SDK1: variants seen among roughly 807,000 people sequenced by gnomAD.
The protein encoded by SDK1 is protein sidekick-1.
In SDK1, 157 loss-of-function variants were observed where a neutral mutation model predicts 245.5. The observed-to-expected ratio is 0.64, with a 90% CI of 0.56 to 0.73. SDK1 has a LOEUF of 0.73. Among genes scored for constraint, SDK1 ranks in the 30% least tolerant of loss-of-function variants. The pLI, the probability that SDK1 is intolerant of heterozygous loss-of-function variation, is 0.00. For synonymous variants in SDK1, 1,647 were observed against 1,278.5 expected (o/e 1.29, Z -6.15); for missense variants, 3,583 against 3,002.3 (o/e 1.19, Z -4.52).
In SDK1 at chr7:3,872,881, C is replaced by G. The variant is rs77488133; in HGVS notation, c.847+51298C>G. On this transcript the variant is annotated intron_variant, in intron 5 of 44. Transcript: ENST00000404826. ...ACAGTGTATTTCTAATTCCCCTCTC[C>G]CATTCCTTCTACTATTATTGTCATA... 8.3e-3 allele frequency among the ~76,000 whole-genome samples: 1,259 copies of G among 152,200 alleles called. 22 individuals carry two copies. Among genetic ancestry groups the G allele is most frequent in the African/African-American group, 0.029 (1,187 of 41,552 alleles).
At chr7:3,888,758 G>C (rs12531046) in intron 5 of SDK1, among the ~76,000 whole-genome samples, 43,863 of 152,142 alleles carry the variant, frequency 0.29, 7,505 homozygotes, top group African/African-American at 0.48. Flanking sequence ...AAAAAATTCA[G>C]ACATATTGTG....
At chr7:4,172,723 G>A (rs1488972636) in intron 32 of SDK1, among the ~76,000 whole-genome samples, 3 of 152,170 alleles carry the variant, frequency 2.0e-5, no homozygotes, top group African/African-American at 7.2e-5. Flanking sequence ...GAGGGCTCCA[G>A]GGAGGATCCT....
intron 44 of SDK1, among the ~76,000 whole-genome samples, chr7:4,254,125 C>T (rs535158037): frequency 2.5e-4 from 38 of 152,104 alleles, no homozygotes; most frequent in Admixed American, 7.2e-4. Context: ...CATATTTTAC[C>T]GGTAGATTAA....
chr7:3,811,299 A>C (rs947279895), intron 4 of SDK1, among the ~76,000 whole-genome samples: 10 of 152,182 alleles, frequency 6.6e-5, no homozygotes, highest in African/African-American at 2.2e-4. Context: ...CCCAGGTCAC[A>C]GTTGCCTGAT....
At chr7:3,413,968 T>A (rs1779288503) in intron 1 of SDK1, among the ~76,000 whole-genome samples, 1 of 152,104 alleles carries the variant, frequency 6.6e-6, no homozygotes, top group South Asian at 2.1e-4. Context: ...TGAGACCCTA[T>A]CTCTAAAAAA....
intron 42 of SDK1, among the ~76,000 whole-genome samples, chr7:4,240,030 G>A (rs1044719202): frequency 6.6e-6 from 1 of 152,154 alleles, no homozygotes. Flanking sequence ...TCAAAGAAAG[G>A]ATTTATTTTT....
chr7:3,301,604 G>A lies in SDK1; in HGVS notation c.18G>A (p.Arg6=). The change falls in exon 1 of 45, where the codon CGG becomes CGA. Residue 6 remains arginine (R), a synonymous_variant. Transcript: ENST00000404826. ...TGCTCGGCATGGCCCGGGGCGCCCG[G>A]CCCTCGGCGGCCGGTGGCGGCGGCG... is the stretch of plus-strand genomic sequence containing the variant. MARGA[R]PSAAGGGGGG... is the part of the protein sequence containing the mutation. 1 of 973,812 alleles carries A rather than the reference G, an allele frequency of 1.0e-6. No homozygotes were observed. The highest frequency in any genetic ancestry group is 1.2e-6 in the Non-Finnish European group (1 of 824,148). The allele number at this position is 973,812 out of a possible 1,614,324, so 60.3% of individuals were successfully genotyped here. A position where few individuals can be genotyped will look rare whatever the true frequency, so the allele number is the denominator to read the frequency against.
rs750802283 is a variant in SDK1 at position 4,149,312 on chromosome 7, G to A, written c.4474G>A (p.Ala1492Thr). Residue 1492 changes from alanine (A) to threonine (T), a missense_variant, in exon 30 of 45, where the codon GCA becomes ACA. Coordinates refer to ENST00000404826, the MANE Select transcript of SDK1 (RefSeq NM_152744.4). Reference protein sequence around the residue: ...ELLVPQAEVTARSLRLQWVPG... With the variant: ...ELLVPQAEVTTRSLRLQWVPG... ...CCTGGTGCCCCAGGCAGAAGTGACC[G>A]CACGCAGCCTCCGGCTCCAGTGGGT... The A allele has an allele frequency of 8.2e-6, 13 of 1,587,244 alleles. No homozygotes were observed. Among genetic ancestry groups the A allele is most frequent in the South Asian group, 1.1e-5 (1 of 87,340 alleles).
chr7:3,821,709 A>G (rs1200942987), intron 5 of SDK1, 126 bp downstream of exon 5: 3 of 963,786 alleles, frequency 3.1e-6, no homozygotes, highest in Non-Finnish European at 4.5e-6. Flanking sequence ...ACGGTTTAAT[A>G]TTGATCCAGT....
chr7:3,391,419 G>A (rs1490663915), intron 1 of SDK1, among the ~76,000 whole-genome samples: 1 of 152,012 alleles, frequency 6.6e-6, no homozygotes, highest in Non-Finnish European at 1.5e-5. Context: ...CTCATCTTAA[G>A]GAATAGAGTT....
chr7:3,500,915 T>C lies in SDK1; in HGVS notation c.299-118165T>C, dbSNP rs11983943. Among the ~76,000 whole-genome samples the C allele has an allele frequency of 5.9e-3, 901 of 152,240 alleles. 10 individuals carry two copies. Among genetic ancestry groups the C allele is most frequent in the African/African-American group, 0.02 (835 of 41,566 alleles). On this transcript the variant is annotated intron_variant, in intron 1 of 44. Transcript: ENST00000404826. ...ATCATGTTAATTATTAAGAATTCTTTTTCTTCTTGCAGCATCCTATTCTTA... is the reference window on the plus strand; with the variant it reads ...ATCATGTTAATTATTAAGAATTCTTCTTCTTCTTGCAGCATCCTATTCTTA...
At position 3,405,545 on chromosome 7, in the gene SDK1, G is replaced by C. The variant is rs532188610; in HGVS notation, c.298+103661G>C. Among the ~76,000 whole-genome samples, 8 of 152,292 alleles carry C rather than the reference G, an allele frequency of 5.3e-5. No homozygotes were observed. In the South Asian group the frequency reaches 1.5e-3, roughly 28 times the overall value. On this transcript the variant is annotated intron_variant, in intron 1 of 44. Transcript: ENST00000404826. ...TCTGCCTGTCTTTAGTTTCATGCTA[G>C]ACTGTTTTATCTGTTTGTTGCCTTT...
intron 1 of SDK1, among the ~76,000 whole-genome samples, chr7:3,506,155 C>A (rs1023864021): frequency 6.6e-6 from 1 of 152,036 alleles, no homozygotes; most frequent in Non-Finnish European, 1.5e-5. Context: ...GCTTTTCTTG[C>A]AGTTCACATC....
At chr7:3,860,725 T>C (rs1165937038) in intron 5 of SDK1, among the ~76,000 whole-genome samples, 3 of 152,146 alleles carry the variant, frequency 2.0e-5, no homozygotes, top group Non-Finnish European at 4.4e-5. Flanking sequence ...ATTCATCTCT[T>C]GAAACTGCTA....
intron 1 of SDK1, among the ~76,000 whole-genome samples, chr7:3,316,151 A>C (rs1251715436): frequency 6.6e-6 from 1 of 152,200 alleles, no homozygotes; most frequent in East Asian, 1.9e-4. Context: ...CTAAATTTAA[A>C]TTTAAATATA....
At chr7:4,118,230 A>G (rs1783840562) in intron 25 of SDK1, among the ~76,000 whole-genome samples, 3 of 152,192 alleles carry the variant, frequency 2.0e-5, no homozygotes, top group African/African-American at 7.2e-5. Context: ...CTTCACAACA[A>G]AAAGACAAAT....
intron 4 of SDK1, among the ~76,000 whole-genome samples, chr7:3,698,436 G>A (rs1168704711): frequency 6.6e-6 from 1 of 152,182 alleles, no homozygotes; most frequent in East Asian, 1.9e-4. Context: ...CCCCACTGGG[G>A]TGATATCAGA....
At chr7:4,207,211 C>T (rs893509945) in intron 36 of SDK1, among the ~76,000 whole-genome samples, 5 of 152,198 alleles carry the variant, frequency 3.3e-5, no homozygotes, top group African/African-American at 4.8e-5. Flanking sequence ...AGCCCTGGGG[C>T]GCTCCAGGCT....
intron 4 of SDK1, among the ~76,000 whole-genome samples, chr7:3,773,973 G>A (rs1780477388): frequency 6.6e-6 from 1 of 152,086 alleles, no homozygotes; most frequent in Non-Finnish European, 1.5e-5. Context: ...CCAGCACTTT[G>A]GGAGGCCAAG....
Sources: gnomAD v4.1 joint callset for allele counts (sites outside exome capture counted in the v4.1 genomes callset) on GRCh38, gnomAD v4.1.1 for gene constraint, MANE v1.5 for transcripts, NCBI Gene and HGNC (gene_info 2026-07-23, HGNC 2026-07-21) for gene names.